TECPR2: variants seen among roughly 807,000 people sequenced by gnomAD.
TECPR2 encodes the protein tectonin beta-propeller repeat-containing protein 2.
Under a neutral mutation model 138.1 loss-of-function variants are expected in TECPR2, and 65 were observed. The ratio of observed to expected loss-of-function variants is 0.47; its 90% confidence interval spans 0.39 to 0.58. The LOEUF (loss-of-function observed/expected upper bound fraction) is 0.58, where lower values mean the gene tolerates loss of function less well. Among genes scored for constraint, TECPR2 ranks in the 20% least tolerant of loss-of-function variants. The probability of loss-of-function intolerance (pLI) is 0.00; values close to 1 mark genes in which losing one functional copy is unlikely to be tolerated. For synonymous variants in TECPR2, 746 were observed against 749.8 expected (o/e 0.99, Z 0.08); for missense variants, 1,553 against 1,824.5 (o/e 0.85, Z 2.71).
chr14:102,388,780 T>C (rs1401921974), intron 2 of TECPR2, among the ~76,000 whole-genome samples: 3 of 150,974 alleles, frequency 2.0e-5, no homozygotes, highest in Admixed American at 1.3e-4. Context: ...GCTAACATGG[T>C]GAAATGCTGT....
intron 4 of TECPR2, 81 bp from the exon 5 acceptor site, chr14:102,414,555 G>A: frequency 6.5e-7 from 1 of 1,532,466 alleles, no homozygotes; most frequent in South Asian, 1.2e-5. Flanking sequence ...CAGCTAGCGG[G>A]AAGGACACTG....
At chr14:102,480,849 T>TTTG (rs984517417) in intron 17 of TECPR2, among the ~76,000 whole-genome samples, 1 of 123,198 alleles carries the variant, frequency 8.1e-6, no homozygotes, top group Non-Finnish European at 1.7e-5. Context: ...GGGTTTTTTT[T>TTTG]TTTTTTTTTT....
chr14:102,375,676 A>G (rs1887624681), intron 1 of TECPR2, among the ~76,000 whole-genome samples: 1 of 152,244 alleles, frequency 6.6e-6, no homozygotes. Flanking sequence ...AAGTCTCCAT[A>G]GAACCTGTAG....
At chr14:102,489,327 A>G (rs992915288) in intron 17 of TECPR2, among the ~76,000 whole-genome samples, 2 of 151,538 alleles carry the variant, frequency 1.3e-5, no homozygotes, top group South Asian at 4.2e-4. Context: ...TTTCATAGAA[A>G]TGGAATCCTG....
chr14:102,443,652 A>G lies in TECPR2; in HGVS notation c.2758A>G (p.Ser920Gly). 1 of 1,586,558 alleles carries G rather than the reference A, an allele frequency of 6.3e-7. No individual in the cohort carries two copies. Among genetic ancestry groups the G allele is most frequent in the South Asian group, 1.1e-5 (1 of 88,462 alleles). ...TCTTCCCATCTTCCTGGCAGGTCTG[A>G]GCGTGGATCGCCCTTGTGCCAGAGC... ...SGDLYLQTGLSVDRPCARAVK... is the reference protein window; with the variant it reads ...SGDLYLQTGLGVDRPCARAVK... The change falls in exon 12 of 20, where the codon AGC becomes GGC. Residue 920 changes from serine to glycine, a missense_variant. Physicochemically the swap from Ser to Gly is moderately conservative, Grantham distance 56 (BLOSUM62 0). Coordinates refer to ENST00000359520, the MANE Select transcript of TECPR2 (RefSeq NM_014844.5). The surrounding 1 kb of genome is among the most constrained non-coding windows in gnomAD (Gnocchi z 4.9).
intron 16 of TECPR2, among the ~76,000 whole-genome samples, chr14:102,456,192 G>T (rs535030530): frequency 4.6e-4 from 70 of 152,312 alleles, no homozygotes; most frequent in Non-Finnish European, 8.8e-4. Flanking sequence ...TTGCTTGGGG[G>T]TGCTCTCTAG....
At chr14:102,411,005 A>C (rs1009622129) in intron 4 of TECPR2, among the ~76,000 whole-genome samples, 1 of 152,284 alleles carries the variant, frequency 6.6e-6, no homozygotes, top group African/African-American at 2.4e-5. Flanking sequence ...CTGTTATTCC[A>C]TTTAGTTTCT....
At chr14:102,422,968 G>A (rs1889224360) in intron 5 of TECPR2, among the ~76,000 whole-genome samples, 1 of 152,144 alleles carries the variant, frequency 6.6e-6, no homozygotes, top group Admixed American at 6.6e-5. Context: ...GTGTCTTAGC[G>A]CCACACATTA....
chr14:102,465,128 TC>T lies in TECPR2; in HGVS notation c.3641-12del, dbSNP rs1364449692. The T allele has an allele frequency of 1.2e-6, 2 of 1,613,962 alleles. No homozygotes were observed. The highest frequency in any genetic ancestry group is 4.5e-5 in the East Asian group (2 of 44,888). Reference sequence around the variant, plus strand: ...AAAGTAATTATAGTGTGTGTACTTTTCTTTATCTACAGGAGCTGTAAAATTG... The same window carrying T: ...AAAGTAATTATAGTGTGTGTACTTTTTTTATCTACAGGAGCTGTAAAATTG... On this transcript the variant is annotated splice_polypyrimidine_tract_variant and intron_variant, in intron 16 of 19. Transcript: ENST00000359520.
At chr14:102,441,234 A>AT (rs1027150383) in intron 11 of TECPR2, among the ~76,000 whole-genome samples, 2 of 151,914 alleles carry the variant, frequency 1.3e-5, no homozygotes, top group African/African-American at 4.8e-5. Context: ...CGCCCAGCCA[A>AT]TTTTTTTGTA....
At chr14:102,454,936 C>A (rs1322463592) in intron 16 of TECPR2, among the ~76,000 whole-genome samples, 1 of 152,244 alleles carries the variant, frequency 6.6e-6, no homozygotes, top group African/African-American at 2.4e-5. Context: ...CCTGCCTGGG[C>A]CTCCTGCCTC....
intron 6 of TECPR2, among the ~76,000 whole-genome samples, chr14:102,426,559 A>G (rs1238936031): frequency 6.6e-6 from 1 of 152,156 alleles, no homozygotes; most frequent in African/African-American, 2.4e-5. Flanking sequence ...TAGAAAATAA[A>G]CAGTTTTCAG....
chr14:102,442,167 C>A (rs1041801371), intron 11 of TECPR2, among the ~76,000 whole-genome samples: 1 of 152,160 alleles, frequency 6.6e-6, no homozygotes, highest in South Asian at 2.1e-4. Context: ...TTAGTAGAGG[C>A]AGGGTTTCAC....
chr14:102,435,132 C>T lies in TECPR2; in HGVS notation c.2315C>T (p.Thr772Ile), dbSNP rs1889626591. The T allele has an allele frequency of 1.9e-6, 3 of 1,613,520 alleles. No individual in the cohort carries two copies. The African/African-American group carries it at 4.0e-5, about 22-fold the overall frequency. Residue 772 changes from threonine to isoleucine, a missense_variant, in exon 9 of 20, where the codon ACA becomes ATA. Coordinates refer to ENST00000359520, the MANE Select transcript of TECPR2 (RefSeq NM_014844.5). Reference protein sequence around the residue: ...LPSSSSETSVTELGPSCSQQD... With the variant: ...LPSSSSETSVIELGPSCSQQD... ...TCTTCATCCTCAGAGACGAGTGTGA[C>T]AGAGCTCGGACCTAGTTGCTCCCAG...
At chr14:102,439,770 C>T (rs1287555836) in intron 10 of TECPR2, among the ~76,000 whole-genome samples, 1 of 152,262 alleles carries the variant, frequency 6.6e-6, no homozygotes, top group Admixed American at 6.5e-5. Flanking sequence ...TCTAGTCCAG[C>T]CCAGCTGACA....
At position 102,497,789 on chromosome 14, in the gene TECPR2, G is replaced by T. The variant is rs578048013; in HGVS notation, c.4081+70G>T. The T allele has an allele frequency of 1.2e-4, 178 of 1,476,994 alleles. 1 individual carries two copies. In the African/African-American group the frequency reaches 2.3e-3, roughly 19 times the overall value. The allele number at this position is 1,476,994 out of a possible 1,614,324, so 91.5% of individuals were successfully genotyped here. On this transcript the variant is annotated intron_variant, in intron 19 of 19. Transcript: ENST00000359520. ...AGGGCTCCTGTGGACGATGTCGGGG[G>T]GCTCTCAAAGAAGCCGACCCCACTG...
chr14:102,450,920 C>T (rs553836961), intron 15 of TECPR2, among the ~76,000 whole-genome samples: 2 of 152,282 alleles, frequency 1.3e-5, no homozygotes, highest in East Asian at 1.9e-4. Flanking sequence ...GTGCAGCCAC[C>T]GGGGCTGGCA....
At position 102,363,034 on chromosome 14, in the gene TECPR2, C is replaced by T; in HGVS notation, c.-155C>T. 1 of 692,224 alleles carries T rather than the reference C, an allele frequency of 1.4e-6. No individual in the cohort carries two copies. The highest frequency in any genetic ancestry group is 2.3e-6 in the Non-Finnish European group (1 of 437,664). The allele number at this position is 692,224 out of a possible 1,614,324, so 42.9% of individuals were successfully genotyped here. On this transcript the variant is annotated 5_prime_UTR_variant, in exon 1 of 20. Transcript: ENST00000359520. ...GGCCCCGTTGCCCAGGGAACAGGCT[C>T]CCGGCAGCCCCCGCGGCCCGGAGTC... is the stretch of plus-strand genomic sequence containing the variant.
In TECPR2 at chr14:102,443,976, A is replaced by G; in HGVS notation, c.2933+149A>G. The stretch of plus-strand genomic sequence containing the variant: ...TAGGCTAAGCTTGAATCTCTGCCTA[A>G]TTCTGACCGGCAAACTGGACGTTGA... On this transcript the variant is annotated intron_variant, in intron 12 of 19. Coordinates refer to ENST00000359520, the MANE Select transcript of TECPR2 (RefSeq NM_014844.5). The surrounding 1 kb of genome is among the most constrained non-coding windows in gnomAD (Gnocchi z 4.9). 1 of 773,240 alleles carries G rather than the reference A, an allele frequency of 1.3e-6. No homozygotes were observed. 47.9% of individuals were successfully genotyped at this position (773,240 alleles called of 1,614,324 possible). A position where few individuals can be genotyped will look rare whatever the true frequency, so the allele number is the denominator to read the frequency against.
Sources: gnomAD v4.1 joint callset for allele counts (sites outside exome capture counted in the v4.1 genomes callset) on GRCh38, gnomAD v4.1.1 for gene constraint, Gnocchi (gnomAD v3.1) non-coding constraint, MANE v1.5 for transcripts, NCBI Gene and HGNC (gene_info 2026-07-23, HGNC 2026-07-21) for gene names.